Variants in KIZ observed in about 807,000 individuals in gnomAD.
KIZ encodes centrosomal protein kizuna.
A neutral mutation model predicts 79.6 loss-of-function variants in KIZ; 68 were observed. The observed-to-expected ratio is 0.85, with a 90% CI of 0.70 to 1.05. The LOEUF is 1.05. Among genes scored for constraint, KIZ ranks in the 50% least tolerant of loss-of-function variants. The pLI, the probability that KIZ is intolerant of heterozygous loss-of-function variation, is 0.00. For missense variants in KIZ, 797 were observed against 800.4 expected (o/e 1.00, Z 0.05); for synonymous variants, 280 against 281.8 (o/e 0.99, Z 0.06).
At chr20:21,164,134 T>A (rs944756802) in intron 6 of KIZ, among the ~76,000 whole-genome samples, 3 of 152,214 alleles carry the variant, frequency 2.0e-5, no homozygotes, top group Admixed American at 6.5e-5. Flanking sequence ...CCCTTTCATT[T>A]CCACAAAGCT....
At chr20:21,131,109 C>A (rs1002831736) in intron 1 of KIZ, among the ~76,000 whole-genome samples, 1 of 152,206 alleles carries the variant, frequency 6.6e-6, no homozygotes, top group African/African-American at 2.4e-5. Flanking sequence ...TCAGATGGAA[C>A]CCTCTGTGGC....
At chr20:21,129,950 T>C (rs1358093745) in intron 1 of KIZ, among the ~76,000 whole-genome samples, 4 of 152,164 alleles carry the variant, frequency 2.6e-5, no homozygotes, top group Admixed American at 6.5e-5. Flanking sequence ...GTTTGAGAAG[T>C]GCATATATGA....
At chr20:21,182,867 C>G (rs2034718057) in intron 6 of KIZ, among the ~76,000 whole-genome samples, 1 of 151,760 alleles carries the variant, frequency 6.6e-6, no homozygotes, top group Admixed American at 6.6e-5. Context: ...TCCCCTCCCT[C>G]TCTCTGCTCT....
At chr20:21,154,424 T>C (rs931204899) in intron 4 of KIZ, among the ~76,000 whole-genome samples, 6 of 152,240 alleles carry the variant, frequency 3.9e-5, no homozygotes, top group African/African-American at 9.6e-5. Context: ...AGTTATCTTC[T>C]GTTCACTAAT....
At chr20:21,201,025 A>C (rs148957419) in intron 6 of KIZ, among the ~76,000 whole-genome samples, 14 of 152,192 alleles carry the variant, frequency 9.2e-5, no homozygotes, top group Admixed American at 9.2e-4. Flanking sequence ...ACAAAAAAAT[A>C]CAAAAAAATT....
intron 9 of KIZ, 46 bp from the exon 10 acceptor site, chr20:21,228,965 G>A (rs374348212): frequency 9.6e-7 from 1 of 1,039,606 alleles, no homozygotes; most frequent in African/African-American, 1.6e-5. Context: ...GCTTCTTTCT[G>A]GCCAGTAAAA....
chr20:21,154,213 G>T (rs2033261130), intron 4 of KIZ: 1 of 152,068 alleles, frequency 6.6e-6, no homozygotes, highest in African/African-American at 2.4e-5. Flanking sequence ...ATAATAAGAA[G>T]AAGAAAAATA....
At chr20:21,204,708 G>C (rs1050207542) in intron 6 of KIZ, among the ~76,000 whole-genome samples, 8 of 151,922 alleles carry the variant, frequency 5.3e-5, no homozygotes, top group Admixed American at 3.9e-4. Flanking sequence ...ACCTGAATAG[G>C]GCATTTCTTT....
intron 2 of KIZ, among the ~76,000 whole-genome samples, chr20:21,135,298 C>T (rs1197838154): frequency 2.6e-5 from 4 of 152,160 alleles, no homozygotes; most frequent in Non-Finnish European, 5.9e-5. Flanking sequence ...CCACCAGCAG[C>T]AGCTTTACTG....
At chr20:21,215,023 T>C (rs1227733308) in intron 8 of KIZ, among the ~76,000 whole-genome samples, 3 of 152,256 alleles carry the variant, frequency 2.0e-5, no homozygotes, top group East Asian at 3.8e-4. Flanking sequence ...GATGATTCCA[T>C]AAAGTACTGT....
chr20:21,166,208 A>G (rs1227791325), intron 6 of KIZ: 3 of 1,506,576 alleles, frequency 2.0e-6, no homozygotes, highest in African/African-American at 2.9e-5. Flanking sequence ...TTACATCCCT[A>G]GAAAAAGAAT....
At chr20:21,174,376 T>G (rs1208087571) in intron 6 of KIZ, among the ~76,000 whole-genome samples, 8 of 152,200 alleles carry the variant, frequency 5.3e-5, no homozygotes, top group Admixed American at 5.2e-4. Flanking sequence ...AAACTGGCCC[T>G]CTGTGACCAG....
intron 4 of KIZ, among the ~76,000 whole-genome samples, chr20:21,155,502 A>G (rs185198977): frequency 1.4e-4 from 21 of 152,280 alleles, no homozygotes; most frequent in South Asian, 4.2e-4. Flanking sequence ...AAGTAGATTA[A>G]TGGCTGCCTA....
chr20:21,183,605 C>T (rs1206198849), intron 6 of KIZ, among the ~76,000 whole-genome samples: 1 of 152,088 alleles, frequency 6.6e-6, no homozygotes, highest in Non-Finnish European at 1.5e-5. Flanking sequence ...ATTTTTCAGG[C>T]CATGCAAAAT....
At chr20:21,217,161 T>G (rs1285003940) in intron 9 of KIZ, among the ~76,000 whole-genome samples, 1 of 152,224 alleles carries the variant, frequency 6.6e-6, no homozygotes. Flanking sequence ...TTTTAAAAAC[T>G]TAGCAAAGCC....
chr20:21,197,879 G>C (rs561940438), intron 6 of KIZ: 15 of 152,214 alleles, frequency 9.9e-5, no homozygotes, highest in African/African-American at 3.6e-4. Context: ...AGAAGACCTT[G>C]AAGCTCACAG....
intron 6 of KIZ, among the ~76,000 whole-genome samples, chr20:21,176,180 G>A (rs2034424096): frequency 1.3e-5 from 2 of 152,190 alleles, no homozygotes; most frequent in South Asian, 2.1e-4. Context: ...TGTGGTGGCG[G>A]GTGCCTGTAA....
chr20:21,161,812 A>AT, intron 4 of KIZ, 59 bp from the exon 5 acceptor site: 1 of 1,219,294 alleles, frequency 8.2e-7, no homozygotes, highest in Non-Finnish European at 1.1e-6. Context: ...AAAAAAAAAA[A>AT]ACCCCACCTA....
intron 6 of KIZ, among the ~76,000 whole-genome samples, chr20:21,186,572 A>G (rs1285398892): frequency 6.7e-6 from 1 of 149,644 alleles, no homozygotes; most frequent in African/African-American, 2.5e-5. Flanking sequence ...ATTATCTTCT[A>G]GTAGGCAAAC....
Sources: allele counts gnomAD v4.1 joint callset (sites outside exome capture counted in the v4.1 genomes callset), GRCh38; gene constraint gnomAD v4.1.1; transcripts MANE v1.5; gene names NCBI Gene and HGNC (gene_info 2026-07-23, HGNC 2026-07-21).